FYB1: variants seen among roughly 807,000 people sequenced by gnomAD.
FYB1 encodes FYN-binding protein 1.
Under a neutral mutation model 94.1 loss-of-function variants are expected in FYB1, and 41 were observed. That is an observed-to-expected ratio of 0.44 (90% CI 0.34 to 0.57). FYB1 has a LOEUF of 0.57. Ranked by LOEUF, FYB1 falls within the 20% of genes least tolerant of loss-of-function variation. FYB1 has a pLI of 0.02. For synonymous variants in FYB1, 367 were observed against 353.2 expected (o/e 1.04, Z -0.44); for missense variants, 1,050 against 976.8 (o/e 1.07, Z -1.00).
chr5:39,169,095 T>C, intron 2 of FYB1: 1 of 625,682 alleles, frequency 1.6e-6, no homozygotes, highest in Non-Finnish European at 2.9e-6. Flanking sequence ...AGTTAAAAGC[T>C]TGTAGTGATA....
At chr5:39,205,504 C>G (rs976841428) in intron 1 of FYB1, among the ~76,000 whole-genome samples, 1 of 152,160 alleles carries the variant, frequency 6.6e-6, no homozygotes, top group Non-Finnish European at 1.5e-5. Context: ...TCCCTTCTCT[C>G]GCTGCATCGG....
At chr5:39,253,930 C>T (rs972354706) in intron 1 of FYB1, among the ~76,000 whole-genome samples, 6 of 152,176 alleles carry the variant, frequency 3.9e-5, no homozygotes, top group Non-Finnish European at 7.4e-5. Context: ...TAAATGAGAA[C>T]ATGTGGTATT....
At chr5:39,274,241 T>C (rs1237846971) in intron 1 of FYB1, among the ~76,000 whole-genome samples, 1 of 152,198 alleles carries the variant, frequency 6.6e-6, no homozygotes, top group African/African-American at 2.4e-5. Context: ...ACTGTTAGCA[T>C]AGAAGGTTAG....
At chr5:39,167,193 G>C (rs955256927) in intron 2 of FYB1, among the ~76,000 whole-genome samples, 11 of 152,142 alleles carry the variant, frequency 7.2e-5, no homozygotes, top group African/African-American at 2.7e-4. Context: ...TGGAGAGAGC[G>C]AGCGTTTTGA....
At chr5:39,126,720 G>T (rs1419367131) in intron 11 of FYB1, among the ~76,000 whole-genome samples, 10 of 82,306 alleles carry the variant, frequency 1.2e-4, no homozygotes, top group Non-Finnish European at 1.7e-4. Context: ...AAAAAAAAAA[G>T]CTTGGACATC....
intron 7 of FYB1, 52 bp from the exon 8 acceptor site, chr5:39,135,066 C>T: frequency 3.2e-6 from 5 of 1,581,878 alleles, no homozygotes; most frequent in Non-Finnish European, 4.3e-6. Context: ...TTTAGAAAAT[C>T]TTTAAGGAAT....
chr5:39,136,361 G>T (rs758705631), intron 7 of FYB1, among the ~76,000 whole-genome samples: 3 of 151,856 alleles, frequency 2.0e-5, no homozygotes, highest in Non-Finnish European at 2.9e-5. Flanking sequence ...GAGCCACCAC[G>T]CCTGGCCTAC....
At chr5:39,218,409 C>A (rs1750044805) in intron 1 of FYB1, among the ~76,000 whole-genome samples, 1 of 152,148 alleles carries the variant, frequency 6.6e-6, no homozygotes, top group African/African-American at 2.4e-5. Flanking sequence ...ACGTTTTACT[C>A]TACCTAAAAC....
chr5:39,191,671 C>A (rs982921873), intron 2 of FYB1, among the ~76,000 whole-genome samples: 1 of 152,186 alleles, frequency 6.6e-6, no homozygotes, highest in African/African-American at 2.4e-5. Context: ...GTTAATATAG[C>A]AGTTAAATGT....
chr5:39,202,136 G>A lies in FYB1; in HGVS notation c.825C>T (p.Leu275=). Residue 275 remains leucine, a synonymous_variant, in exon 2 of 19, where the codon CTC becomes CTT. Transcript: ENST00000512982. ...CCTTTTTTTCTTCACCATTTTTGGA[G>A]AGACCTGGGCCTCCCCTGCTCGCAG... ...KPAASRGGPG[L]SKNGEEKKED... The A allele has an allele frequency of 6.2e-7, 1 of 1,613,968 alleles. No homozygotes were observed. The highest frequency in any genetic ancestry group is 8.5e-7 in the Non-Finnish European group (1 of 1,179,900).
chr5:39,260,172 G>A (rs1389280036), intron 1 of FYB1, among the ~76,000 whole-genome samples: 2 of 152,298 alleles, frequency 1.3e-5, no homozygotes, highest in African/African-American at 4.8e-5. Flanking sequence ...TAGAGTAATG[G>A]CTTTGAAAAG....
intron 1 of FYB1, among the ~76,000 whole-genome samples, chr5:39,253,438 C>T (rs1009959287): frequency 5.9e-5 from 9 of 152,192 alleles, no homozygotes; most frequent in African/African-American, 1.9e-4. Context: ...CATCATGAAT[C>T]CTTGGGAAAT....
intron 1 of FYB1, among the ~76,000 whole-genome samples, chr5:39,262,111 C>A (rs948962298): frequency 4.6e-5 from 7 of 152,040 alleles, no homozygotes; most frequent in Non-Finnish European, 1.0e-4. Context: ...CTTAAAAGGA[C>A]ATCAAAAGCA....
chr5:39,250,234 TGA>T (rs1751657675), intron 1 of FYB1, among the ~76,000 whole-genome samples: 1 of 152,124 alleles, frequency 6.6e-6, no homozygotes. Flanking sequence ...GCTAAAGTCT[TGA>T]GAGAAGCAGA....
intron 7 of FYB1, 33 bp from the exon 8 acceptor site, chr5:39,135,047 T>C: frequency 6.2e-7 from 1 of 1,601,266 alleles, no homozygotes; most frequent in South Asian, 1.1e-5. Context: ...ACAAAAGATT[T>C]CCTTATAATT....
At chr5:39,234,790 A>T (rs189759235) in intron 1 of FYB1, among the ~76,000 whole-genome samples, 2 of 152,030 alleles carry the variant, frequency 1.3e-5, no homozygotes, top group Admixed American at 1.3e-4. Flanking sequence ...AGTAACAGGA[A>T]CAGAAAACCA....
intron 1 of FYB1, among the ~76,000 whole-genome samples, chr5:39,228,445 G>A (rs1437394525): frequency 6.6e-5 from 10 of 152,178 alleles, no homozygotes; most frequent in African/African-American, 2.2e-4. Context: ...AAACCAAAAT[G>A]TGTCTACCCC....
chr5:39,116,826 A>T (rs1053288069), intron 16 of FYB1, among the ~76,000 whole-genome samples: 5 of 120,318 alleles, frequency 4.2e-5, no homozygotes, highest in Non-Finnish European at 9.1e-5. Flanking sequence ...TATAAATGTA[A>T]GGTGGAAAAA....
intron 1 of FYB1, among the ~76,000 whole-genome samples, chr5:39,228,913 T>G (rs1311092984): frequency 6.6e-6 from 1 of 152,190 alleles, no homozygotes; most frequent in Non-Finnish European, 1.5e-5. Flanking sequence ...TTTACCTAAA[T>G]ACAGTTTTCT....
Sources: gnomAD v4.1 joint callset for allele counts (sites outside exome capture counted in the v4.1 genomes callset) on GRCh38, gnomAD v4.1.1 for gene constraint, MANE v1.5 for transcripts, NCBI Gene and HGNC (gene_info 2026-07-23, HGNC 2026-07-21) for gene names.